ABLIM3: variants seen among roughly 807,000 people sequenced by gnomAD.
The protein encoded by ABLIM3 is actin-binding LIM protein 3.
A neutral mutation model predicts 109.5 loss-of-function variants in ABLIM3; 61 were observed. The observed-to-expected ratio is 0.56, with a 90% CI of 0.45 to 0.69. ABLIM3 has a LOEUF of 0.69. Ranked by LOEUF, ABLIM3 falls within the 30% of genes least tolerant of loss-of-function variation. The pLI, the probability that ABLIM3 is intolerant of heterozygous loss-of-function variation, is 0.00. For synonymous variants in ABLIM3, 300 were observed against 324.8 expected, an observed-to-expected ratio of 0.92 and a Z score of 0.82; for missense variants, 796 against 889.5, an observed-to-expected ratio of 0.89 and a Z score of 1.34.
intron 2 of ABLIM3, among the ~76,000 whole-genome samples, chr5:149,162,505 G>T (rs182919462): frequency 2.6e-5 from 4 of 152,308 alleles, no homozygotes; most frequent in African/African-American, 7.2e-5. Context: ...TAGGATAGAG[G>T]CTTTGCTTCT....
chr5:149,200,574 G>A (rs1276433314), intron 5 of ABLIM3, 146 bp downstream of exon 5: 17 of 728,660 alleles, frequency 2.3e-5, no homozygotes, highest in Non-Finnish European at 3.7e-5. Context: ...TGACCCCATT[G>A]GCATGTGGCC....
At chr5:149,248,520 T>C (rs1269905552) in intron 18 of ABLIM3, among the ~76,000 whole-genome samples, 2 of 151,718 alleles carry the variant, frequency 1.3e-5, no homozygotes, top group Non-Finnish European at 2.9e-5. Flanking sequence ...TGAAACCCGG[T>C]CTTTACTAAA....
In ABLIM3 at chr5:149,258,558, T is replaced by C. The variant is rs1167677076; in HGVS notation, c.*154T>C. 3 of 1,393,756 alleles carry C rather than the reference T, an allele frequency of 2.2e-6. No homozygotes were observed. Among genetic ancestry groups the C allele is most frequent in the Admixed American group, 3.1e-5 (1 of 32,372 alleles). 86.3% of individuals were successfully genotyped at this position (1,393,756 alleles called of 1,614,324 possible). On this transcript the variant is annotated 3_prime_UTR_variant, in exon 24 of 24. Coordinates refer to ENST00000309868, the MANE Select transcript of ABLIM3 (RefSeq NM_014945.5). ...GTCAGGCAAGCCCACGTCATCGAGATATTTTTATGCTCCTTACTTTCTCTT... is the reference window on the plus strand; with the variant it reads ...GTCAGGCAAGCCCACGTCATCGAGACATTTTTATGCTCCTTACTTTCTCTT...
chr5:149,228,124 G>A (rs887496726), intron 8 of ABLIM3, among the ~76,000 whole-genome samples: 1 of 152,142 alleles, frequency 6.6e-6, no homozygotes, highest in Admixed American at 6.5e-5. Context: ...TACCCAATGT[G>A]TACTTAAACA....
At chr5:149,247,981 T>A (rs1266197068) in intron 18 of ABLIM3, 52 bp downstream of exon 18, 3 of 1,579,604 alleles carry the variant, frequency 1.9e-6, no homozygotes, top group Non-Finnish European at 2.6e-6. Flanking sequence ...TCTCTGTGAC[T>A]AGCTGGCAGT....
rs1581197260 is a variant in ABLIM3, at chr5:149,233,133, G to A, written c.817-96G>A. The A allele has an allele frequency of 3.9e-6, 4 of 1,015,778 alleles. No individual in the cohort carries two copies. The East Asian group carries it at 7.1e-5, about 18-fold the overall frequency. The allele number at this position is 1,015,778 out of a possible 1,614,324, so 62.9% of individuals were successfully genotyped here. On this transcript the variant is annotated intron_variant, in intron 9 of 23. Transcript: ENST00000309868. The stretch of plus-strand genomic sequence containing the variant: ...GAAGTAGCCAGAGAGTACTTTAATG[G>A]TATTGCTAATGTTGCATTCTTAACC...
chr5:149,183,636 C>G (rs1756673610), intron 3 of ABLIM3, 47 bp downstream of exon 3: 1 of 1,476,944 alleles, frequency 6.8e-7, no homozygotes, highest in Non-Finnish European at 9.0e-7. Flanking sequence ...CCTGACCATT[C>G]TTGCACCATC....
At chr5:149,219,683 T>A (rs1760449580) in intron 8 of ABLIM3, 1 of 152,220 alleles carries the variant, frequency 6.6e-6, no homozygotes, top group African/African-American at 2.4e-5. Flanking sequence ...GGTTCTTGAG[T>A]GATTCCTGCT....
chr5:149,215,780 C>T (rs1260767316), intron 7 of ABLIM3, among the ~76,000 whole-genome samples: 1 of 152,168 alleles, frequency 6.6e-6, no homozygotes, highest in Non-Finnish European at 1.5e-5. Context: ...CCTGCATATA[C>T]AAATGCTGGA....
At chr5:149,146,713 T>C (rs570370032) in intron 2 of ABLIM3, among the ~76,000 whole-genome samples, 3 of 152,352 alleles carry the variant, frequency 2.0e-5, no homozygotes, top group East Asian at 1.9e-4. Context: ...TTTTGGTTAC[T>C]GTAGCCTTAT....
At position 149,185,479 on chromosome 5, in the gene ABLIM3, C is replaced by T. The variant is rs191169860; in HGVS notation, c.151+1890C>T. ...AATGGCCAACCCAGATTCAAGGTCA[C>T]GGAGAAATAAACTTTGCCTTTTGTA... On this transcript the variant is annotated intron_variant, in intron 3 of 23. Transcript: ENST00000309868. Among the ~76,000 whole-genome samples, 534 of 152,258 alleles carry T rather than the reference C, an allele frequency of 3.5e-3. 1 individual carries two copies. The highest frequency in any genetic ancestry group is 5.4e-3 in the Non-Finnish European group (364 of 68,024).
At chr5:149,224,059 T>G (rs923479462) in intron 8 of ABLIM3, among the ~76,000 whole-genome samples, 1 of 152,222 alleles carries the variant, frequency 6.6e-6, no homozygotes, top group Non-Finnish European at 1.5e-5. Context: ...TTAAGAATAC[T>G]TAGCATAAGG....
chr5:149,258,283 T>C lies in ABLIM3; in HGVS notation c.1939-8T>C. 1 of 1,574,912 alleles carries C rather than the reference T, an allele frequency of 6.3e-7. No homozygotes were observed. Among genetic ancestry groups the C allele is most frequent in the Non-Finnish European group, 8.7e-7 (1 of 1,149,182 alleles). ...TCCCCCCACCCCCGCCTGCCCTGCC[T>C]CCTTCAGCGCCACCTGTCCCAGGAA... On this transcript the variant is annotated splice_polypyrimidine_tract_variant and splice_region_variant and intron_variant, in intron 23 of 23. Coordinates refer to ENST00000309868, the MANE Select transcript of ABLIM3 (RefSeq NM_014945.5).
At chr5:149,174,056 C>G (rs888941235) in intron 2 of ABLIM3, among the ~76,000 whole-genome samples, 3 of 146,888 alleles carry the variant, frequency 2.0e-5, no homozygotes, top group African/African-American at 5.1e-5. Flanking sequence ...GAAGTAGGAA[C>G]CATGGTGATC....
At chr5:149,190,923 A>G (rs1757418683) in intron 3 of ABLIM3, among the ~76,000 whole-genome samples, 1 of 152,226 alleles carries the variant, frequency 6.6e-6, no homozygotes, top group Admixed American at 6.5e-5. Flanking sequence ...CTATGTATCA[A>G]AAACTTGCAT....
At chr5:149,235,881 A>T (rs1762298564) in intron 10 of ABLIM3, among the ~76,000 whole-genome samples, 1 of 152,190 alleles carries the variant, frequency 6.6e-6, no homozygotes, top group Admixed American at 6.5e-5. Flanking sequence ...ACAGTGAGGT[A>T]TTCAGGGACT....
intron 9 of ABLIM3, among the ~76,000 whole-genome samples, chr5:149,231,882 G>A (rs903875668): frequency 3.3e-5 from 5 of 152,018 alleles, no homozygotes; most frequent in Admixed American, 1.3e-4. Flanking sequence ...ATATTGCCAC[G>A]TGAAAACCAG....
chr5:149,215,968 C>CA (rs992331718), intron 7 of ABLIM3, among the ~76,000 whole-genome samples: 1 of 152,200 alleles, frequency 6.6e-6, no homozygotes, highest in African/African-American at 2.4e-5. Flanking sequence ...TTCTTCCCCC[C>CA]ATGGAAGTCT....
rs553370181 is a variant in ABLIM3 at position 149,245,083 on chromosome 5, CA to C, written c.1486+69del. The C allele has an allele frequency of 1.1e-3, 1,687 of 1,586,236 alleles. 18 individuals carry two copies. The highest frequency in any genetic ancestry group is 1.2e-4 in the Non-Finnish European group (137 of 1,158,660). On this transcript the variant is annotated intron_variant, in intron 16 of 23. Coordinates refer to ENST00000309868, the MANE Select transcript of ABLIM3 (RefSeq NM_014945.5). ...GTGCCAAGGACACGGGTGTTCAGAACAGTTGCCCACTCCTTTATACAATCAT... is the reference window on the plus strand; with the variant it reads ...GTGCCAAGGACACGGGTGTTCAGAACGTTGCCCACTCCTTTATACAATCAT...
Sources: gnomAD v4.1 joint callset for allele counts (sites outside exome capture counted in the v4.1 genomes callset) on GRCh38, gnomAD v4.1.1 for gene constraint, MANE v1.5 for transcripts, NCBI Gene and HGNC (gene_info 2026-07-23, HGNC 2026-07-21) for gene names.